C16orf74: variants seen among roughly 807,000 people sequenced by gnomAD.
The protein encoded by C16orf74 is uncharacterized protein C16orf74.
In C16orf74, 10 loss-of-function variants were observed where a neutral mutation model predicts 6.5. The observed-to-expected ratio is 1.54, with a 90% CI of 0.95 to 2.61. The LOEUF (loss-of-function observed/expected upper bound fraction) is 2.61. Among genes scored for constraint, C16orf74 ranks in the 30% most tolerant of loss-of-function variants. The pLI, the probability that C16orf74 is intolerant of heterozygous loss-of-function variation, is 0.00. For missense variants in C16orf74, 141 were observed against 105.9 expected (o/e 1.33, Z -1.45); for synonymous variants, 60 against 42.5 (o/e 1.41, Z -1.60).
At chr16:85,745,113 C>T (rs1407488805) in intron 1 of C16orf74, among the ~76,000 whole-genome samples, 1 of 136,962 alleles carries the variant, frequency 7.3e-6, no homozygotes, top group African/African-American at 2.9e-5. Context: ...TGCACTCCAG[C>T]CTGGGCAACA....
At chr16:85,734,325 C>A (rs61153371) in intron 2 of C16orf74, among the ~76,000 whole-genome samples, 1 of 152,206 alleles carries the variant, frequency 6.6e-6, no homozygotes, top group African/African-American at 2.4e-5. Context: ...GGCCCTTGAT[C>A]TAGGTCTCAC....
chr16:85,731,601 G>A (rs1400521614), intron 2 of C16orf74, among the ~76,000 whole-genome samples: 1 of 151,588 alleles, frequency 6.6e-6, no homozygotes, highest in Non-Finnish European at 1.5e-5. Flanking sequence ...TCGTATCCAG[G>A]GCTGAACGGT....
At chr16:85,748,969 A>T in intron 1 of C16orf74, among the ~76,000 whole-genome samples, 1 of 146,868 alleles carries the variant, frequency 6.8e-6, no homozygotes, top group Non-Finnish European at 1.5e-5. Flanking sequence ...TTTTAGAGAA[A>T]GGAGTCTCAC....
At position 85,741,127 on chromosome 16, in the gene C16orf74, G is replaced by A. The variant is rs1463527913; in HGVS notation, c.-18-5892C>T. 9.2e-5 allele frequency among the ~76,000 whole-genome samples: 14 copies of A among 152,202 alleles called. No individual in the cohort carries two copies. In the South Asian group the frequency reaches 1.0e-3, roughly 11 times the overall value. On this transcript the variant is annotated intron_variant, in intron 1 of 3. Transcript: ENST00000284245. ...ACAGGGCAGCTCAGTGAGAGTCTGC[G>A]CAATGCCTGGCCTCCCCACCATGGT...
chr16:85,735,001 G>A (rs955186943), intron 2 of C16orf74, among the ~76,000 whole-genome samples, 189 bp downstream of exon 2: 1 of 152,176 alleles, frequency 6.6e-6, no homozygotes, highest in Non-Finnish European at 1.5e-5. Context: ...TAGTGAAATA[G>A]AAGGCCTGGA....
chr16:85,714,653 T>C (rs1235018160), intron 2 of C16orf74, among the ~76,000 whole-genome samples: 1 of 151,008 alleles, frequency 6.6e-6, no homozygotes, highest in East Asian at 2.0e-4. Flanking sequence ...CTCCTGACCT[T>C]GTGATCCACC....
At chr16:85,722,563 G>A (rs556698084) in intron 2 of C16orf74, among the ~76,000 whole-genome samples, 4 of 152,328 alleles carry the variant, frequency 2.6e-5, no homozygotes, top group East Asian at 3.9e-4. Flanking sequence ...TGAGCTCTCC[G>A]GGGAGTCCTG....
chr16:85,727,713 C>T (rs896058470), intron 2 of C16orf74, among the ~76,000 whole-genome samples: 10 of 151,936 alleles, frequency 6.6e-5, no homozygotes, highest in Non-Finnish European at 1.5e-4. Flanking sequence ...ACTTGGGAGG[C>T]TGAGGTGGGA....
intron 2 of C16orf74, among the ~76,000 whole-genome samples, chr16:85,733,991 C>A (rs984109328): frequency 1.3e-5 from 2 of 152,206 alleles, no homozygotes; most frequent in Non-Finnish European, 2.9e-5. Context: ...TTCCTCCCAG[C>A]CTGGGAATCT....
At chr16:85,712,040 C>G (rs1043132644) in intron 2 of C16orf74, among the ~76,000 whole-genome samples, 3 of 152,214 alleles carry the variant, frequency 2.0e-5, no homozygotes, top group African/African-American at 7.2e-5. Flanking sequence ...CAACTTCCTC[C>G]TTGCTCTCTC....
chr16:85,708,123 C>G, intron 3 of C16orf74, 57 bp from the exon 4 acceptor site: 1 of 1,444,054 alleles, frequency 6.9e-7, no homozygotes, highest in South Asian at 1.2e-5. Flanking sequence ...ACACCAAGCC[C>G]CGTTTCCCTG....
chr16:85,733,616 G>A (rs531681418), intron 2 of C16orf74, among the ~76,000 whole-genome samples: 2 of 152,272 alleles, frequency 1.3e-5, no homozygotes, highest in South Asian at 4.1e-4. Flanking sequence ...AGGCACTGGG[G>A]AACTCATGTC....
chr16:85,742,473 G>A (rs1417946731), intron 1 of C16orf74, among the ~76,000 whole-genome samples: 1 of 152,170 alleles, frequency 6.6e-6, no homozygotes, highest in Non-Finnish European at 1.5e-5. Flanking sequence ...GCCTTGAGTG[G>A]AAGCAGCCTG....
At chr16:85,737,949 AT>A (rs1438430052) in intron 1 of C16orf74, among the ~76,000 whole-genome samples, 6 of 142,042 alleles carry the variant, frequency 4.2e-5, no homozygotes, top group Admixed American at 2.4e-4. Context: ...AACATTATGA[AT>A]TTTTTTTGTG....
intron 2 of C16orf74, among the ~76,000 whole-genome samples, chr16:85,716,615 A>C (rs2054026844): frequency 6.9e-6 from 1 of 145,430 alleles, no homozygotes; most frequent in Non-Finnish European, 1.5e-5. Context: ...ACAGGGCAGG[A>C]AGAGGAAGAG....
intron 1 of C16orf74, among the ~76,000 whole-genome samples, chr16:85,739,112 C>T (rs1433454998): frequency 1.3e-5 from 2 of 152,100 alleles, no homozygotes; most frequent in African/African-American, 4.8e-5. Context: ...CCCATGCTGG[C>T]TCTCCTGCCG....
chr16:85,721,611 T>C (rs1173430192), intron 2 of C16orf74, among the ~76,000 whole-genome samples: 1 of 152,202 alleles, frequency 6.6e-6, no homozygotes, highest in African/African-American at 2.4e-5. Context: ...TTTTATGTTA[T>C]TTTCCTCCTC....
At chr16:85,719,902 C>T (rs145677035) in intron 2 of C16orf74, among the ~76,000 whole-genome samples, 55 of 151,298 alleles carry the variant, frequency 3.6e-4, no homozygotes, top group Non-Finnish European at 6.2e-4. Flanking sequence ...CCACAGCACA[C>T]GCAAAGGCCC....
At chr16:85,745,131 ACT>A (rs1299023110) in intron 1 of C16orf74, among the ~76,000 whole-genome samples, 1 of 136,180 alleles carries the variant, frequency 7.3e-6, no homozygotes, top group African/African-American at 3.1e-5. Flanking sequence ...ACAAGACGAA[ACT>A]CTGTCTAAAA....
Sources: allele counts gnomAD v4.1 joint callset (sites outside exome capture counted in the v4.1 genomes callset), GRCh38; gene constraint gnomAD v4.1.1; transcripts MANE v1.5; gene names NCBI Gene and HGNC (gene_info 2026-07-23, HGNC 2026-07-21).